The following ATP2B4 variants were observed in gnomAD, a reference collection of about 807,000 sequenced individuals.
ATP2B4 encodes ATPase plasma membrane Ca2+ transporting 4.
In ATP2B4, 39 loss-of-function variants were observed where a neutral mutation model predicts 110.3. The observed-to-expected ratio is 0.35, with a 90% CI of 0.27 to 0.46. The LOEUF is 0.46. Ranked by LOEUF, ATP2B4 falls within the 20% of genes least tolerant of loss-of-function variation. The pLI is 1.00. For missense variants in ATP2B4, 1,135 were observed against 1,530.9 expected (o/e 0.74, Z 4.32); for synonymous variants, 538 against 571.7 (o/e 0.94, Z 0.84).
chr1:203,657,376 C>T (rs539223161), intron 1 of ATP2B4: 4 of 747,780 alleles, frequency 5.3e-6, no homozygotes, highest in South Asian at 4.4e-5. Context: ...TGGGCATGTA[C>T]TTTAGTCAGA....
At position 203,686,628 on chromosome 1, in the gene ATP2B4, A is replaced by G. The variant is rs1041811786; in HGVS notation, c.193+3230A>G. Among the ~76,000 whole-genome samples, 21 of 93,572 alleles carry G rather than the reference A, an allele frequency of 2.2e-4. 1 individual carries two copies. Among genetic ancestry groups the G allele is most frequent in the African/African-American group, 7.8e-4 (21 of 27,068 alleles). The allele number at this position is 93,572 out of a possible 152,430, so 61.4% of individuals were successfully genotyped here. On this transcript the variant is annotated intron_variant, in intron 2 of 20. Transcript: ENST00000357681. ...AACACTGGCACAATTTTCTACTGCC[A>G]TGTACTGCTTCCTTAGATCACAAAT... is the stretch of plus-strand genomic sequence containing the variant.
rs1482162207 is a variant in ATP2B4 at position 203,713,147 on chromosome 1, G to A, written c.2212-18G>A. 4.3e-6 allele frequency: 7 copies of A among 1,613,912 alleles called. No homozygotes were observed. Among genetic ancestry groups the A allele is most frequent in the Non-Finnish European group, 5.9e-6 (7 of 1,179,886 alleles). On this transcript the variant is annotated intron_variant, in intron 13 of 20. Transcript: ENST00000357681. ...TTTTCTGCATTTGACTGATCCAGGTGTGGTCTGGTGTTGGCAGGTAGAGCA... is the reference window on the plus strand; with the variant it reads ...TTTTCTGCATTTGACTGATCCAGGTATGGTCTGGTGTTGGCAGGTAGAGCA...
intron 1 of ATP2B4, among the ~76,000 whole-genome samples, chr1:203,652,425 C>T (rs374963892): frequency 4.1e-4 from 62 of 152,166 alleles, no homozygotes; most frequent in African/African-American, 1.4e-3. Context: ...GGATTACAGG[C>T]GTGAGCCACT....
intron 6 of ATP2B4, 101 bp from the exon 7 acceptor site, chr1:203,701,943 T>C: frequency 8.1e-7 from 1 of 1,233,148 alleles, no homozygotes; most frequent in Admixed American, 2.0e-5. Flanking sequence ...ACCCAAACAC[T>C]TTGCTGTTGT....
At chr1:203,737,822 G>T (rs1305287984) in intron 20 of ATP2B4, among the ~76,000 whole-genome samples, 3 of 152,096 alleles carry the variant, frequency 2.0e-5, no homozygotes, top group South Asian at 4.1e-4. Context: ...GTCTTGGGTG[G>T]GTCTGCAGGC....
chr1:203,708,297 G>A (rs1665908288), intron 10 of ATP2B4, among the ~76,000 whole-genome samples, 193 bp downstream of exon 10: 1 of 152,056 alleles, frequency 6.6e-6, no homozygotes, highest in African/African-American at 2.4e-5. Context: ...TGGAGGTAAG[G>A]GCCTGTAAGA....
chr1:203,646,515 G>A (rs541831543), intron 1 of ATP2B4, among the ~76,000 whole-genome samples: 38 of 152,266 alleles, frequency 2.5e-4, no homozygotes, highest in African/African-American at 8.9e-4. Context: ...TGTAATCCCA[G>A]CACCTTGGGA....
intron 20 of ATP2B4, chr1:203,733,218 T>C: frequency 6.2e-7 from 1 of 1,610,832 alleles, no homozygotes; most frequent in Middle Eastern, 1.7e-4. Flanking sequence ...TCTGATTCTT[T>C]GCAGATCGAC....
At chr1:203,653,077 G>A (rs1664047146) in intron 1 of ATP2B4, among the ~76,000 whole-genome samples, 1 of 152,192 alleles carries the variant, frequency 6.6e-6, no homozygotes, top group Admixed American at 6.5e-5. Flanking sequence ...TGTTCTTGAA[G>A]GAAATTAAAA....
Position 203,712,118 on chromosome 1 carries a change from C to T in ATP2B4, c.2190C>T (p.Leu730=), listed in dbSNP as rs893606851. ...TAGAAGGCAAAGAATTCAACCGGCT[C>T]ATCCGCAACGAGAAAGGCGAGGTGG... ...LCLEGKEFNR[L]IRNEKGEVEQ... is the part of the protein sequence containing the mutation. The change falls in exon 13 of 21, where the codon CTC becomes CTT. Residue 730 remains leucine, a synonymous_variant. Transcript: ENST00000357681. 2.3e-5 allele frequency: 37 copies of T among 1,613,932 alleles called. No individual in the cohort carries two copies. The highest frequency in any genetic ancestry group is 1.0e-4 in the Admixed American group (6 of 59,998).
intron 18 of ATP2B4, among the ~76,000 whole-genome samples, chr1:203,723,457 T>TCTCTCTCTCTCTCTCTCTCCCTCC (rs1407579331): frequency 7.0e-5 from 8 of 113,576 alleles, no homozygotes; most frequent in Admixed American, 1.8e-4. Context: ...TCTCTCTCTC[T>TCTCTCTCTCTCTCTCTCTCCCTCC]CTCCCTCTGC....
chr1:203,688,606 C>A (rs1184010543), intron 2 of ATP2B4, among the ~76,000 whole-genome samples: 2 of 152,068 alleles, frequency 1.3e-5, no homozygotes, highest in Non-Finnish European at 2.9e-5. Context: ...GCAGCCTCAG[C>A]CCAATGTTTT....
chr1:203,660,443 C>A (rs1404873103), intron 1 of ATP2B4, among the ~76,000 whole-genome samples: 1 of 151,982 alleles, frequency 6.6e-6, no homozygotes, highest in Non-Finnish European at 1.5e-5. Flanking sequence ...AAAATGAGGT[C>A]CCAGTTCAAT....
Position 203,743,991 on chromosome 1 carries a change from G to C in ATP2B4, c.*4137G>C, listed in dbSNP as rs558515745. Reference sequence around the variant, plus strand: ...GAAGAAGAAGAGGAGTTTTAAAAGGGATAATTTGTTGGAGCCAATAAAGCT... The same window carrying C: ...GAAGAAGAAGAGGAGTTTTAAAAGGCATAATTTGTTGGAGCCAATAAAGCT... On this transcript the variant is annotated 3_prime_UTR_variant, in exon 21 of 21. Transcript: ENST00000357681. The C allele has an allele frequency of 6.5e-6, 1 of 152,674 alleles. No individual in the cohort carries two copies. The highest frequency in any genetic ancestry group is 2.1e-4 in the South Asian group (1 of 4,808). The allele number at this position is 152,674 out of a possible 1,614,324, so 9.5% of individuals were successfully genotyped here.
intron 2 of ATP2B4, 118 bp downstream of exon 2, chr1:203,683,516 G>A (rs1665079577): frequency 2.4e-5 from 25 of 1,061,128 alleles, no homozygotes; most frequent in Non-Finnish European, 3.3e-5. Context: ...ATTTTTGTCT[G>A]GTGGGAAAGG....
intron 20 of ATP2B4, among the ~76,000 whole-genome samples, chr1:203,735,532 C>T (rs78086226): frequency 2.6e-5 from 4 of 152,182 alleles, no homozygotes; most frequent in South Asian, 2.1e-4. Flanking sequence ...CAAGAAAGAA[C>T]AGTTGCCTTG....
chr1:203,657,657 C>T (rs148817302), intron 1 of ATP2B4: 7 of 803,528 alleles, frequency 8.7e-6, no homozygotes, highest in African/African-American at 6.7e-5. Context: ...ATGAGCCTCT[C>T]GTTCATAAGC....
At chr1:203,731,057 G>T (rs773990893) in intron 20 of ATP2B4, among the ~76,000 whole-genome samples, 2 of 152,162 alleles carry the variant, frequency 1.3e-5, no homozygotes, top group African/African-American at 4.8e-5. Context: ...GAATTGTGGA[G>T]GTTGGGACCT....
chr1:203,714,377 C>A, intron 15 of ATP2B4, 100 bp downstream of exon 15: 1 of 1,263,778 alleles, frequency 7.9e-7, no homozygotes, highest in Non-Finnish European at 1.1e-6. Context: ...CCTGCATAGC[C>A]CATGGGGTGC....
Sources: allele counts gnomAD v4.1 joint callset (sites outside exome capture counted in the v4.1 genomes callset), GRCh38; gene constraint gnomAD v4.1.1; transcripts MANE v1.5; gene names NCBI Gene and HGNC (gene_info 2026-07-23, HGNC 2026-07-21).